Variants in ATRNL1 observed in about 807,000 individuals in gnomAD.
ATRNL1 encodes the protein attractin-like protein 1.
A neutral mutation model predicts 182.7 loss-of-function variants in ATRNL1; 95 were observed. The ratio of observed to expected loss-of-function variants is 0.52; its 90% confidence interval spans 0.44 to 0.62. The LOEUF (loss-of-function observed/expected upper bound fraction) is 0.62, where lower values mean the gene tolerates loss of function less well. Among genes scored for constraint, ATRNL1 ranks in the 20% least tolerant of loss-of-function variants. ATRNL1 has a pLI of 0.00. For synonymous variants in ATRNL1, 576 were observed against 568.3 expected, an observed-to-expected ratio of 1.01 and a Z score of -0.19; for missense variants, 1,471 against 1,679.5, an observed-to-expected ratio of 0.88 and a Z score of 2.17.
intron 3 of ATRNL1, among the ~76,000 whole-genome samples, chr10:115,123,223 T>G (rs1314372955): frequency 6.6e-6 from 1 of 152,204 alleles, no homozygotes; most frequent in African/African-American, 2.4e-5. Context: ...TTTATTGATA[T>G]TGAATATCCA....
chr10:115,798,562 A>G (rs1157504525), intron 27 of ATRNL1, among the ~76,000 whole-genome samples: 2 of 152,112 alleles, frequency 1.3e-5, no homozygotes, highest in Non-Finnish European at 2.9e-5. Flanking sequence ...TCTGCCCCAT[A>G]TGCTGACTAA....
At chr10:115,876,473 A>C (rs759592947) in intron 28 of ATRNL1, among the ~76,000 whole-genome samples, 6 of 152,222 alleles carry the variant, frequency 3.9e-5, no homozygotes, top group Non-Finnish European at 8.8e-5. Context: ...TAGGAACTTT[A>C]TAACAGGCAT....
At chr10:115,475,766 C>T (rs11197231) in intron 24 of ATRNL1, among the ~76,000 whole-genome samples, 61,137 of 151,028 alleles carry the variant, frequency 0.4, 13,201 homozygotes, top group Middle Eastern at 0.5. Flanking sequence ...TCATCATCAC[C>T]GTCAACGTCA....
chr10:115,912,308 C>T (rs1555116107), intron 28 of ATRNL1, among the ~76,000 whole-genome samples: 1 of 152,006 alleles, frequency 6.6e-6, no homozygotes, highest in Non-Finnish European at 1.5e-5. Context: ...GATAAACAAA[C>T]TAATGACTAA....
intron 24 of ATRNL1, among the ~76,000 whole-genome samples, chr10:115,494,610 G>A (rs910997267): frequency 6.6e-6 from 1 of 152,056 alleles, no homozygotes; most frequent in East Asian, 1.9e-4. Flanking sequence ...TGTGGTTTTT[G>A]TTTTTAGCTC....
chr10:115,936,776 C>G (rs533940125), intron 28 of ATRNL1, among the ~76,000 whole-genome samples: 195 of 152,010 alleles, frequency 1.3e-3, no homozygotes, highest in African/African-American at 4.6e-3. Flanking sequence ...ACTAGGGTTT[C>G]TAATAAGGAT....
intron 26 of ATRNL1, among the ~76,000 whole-genome samples, chr10:115,607,169 T>G (rs1023287415): frequency 1.3e-5 from 2 of 151,984 alleles, no homozygotes; most frequent in Admixed American, 6.6e-5. Context: ...TTGAAGCAAA[T>G]GTATATTAAA....
intron 19 of ATRNL1, among the ~76,000 whole-genome samples, chr10:115,347,813 A>C (rs1263031548): frequency 3.9e-5 from 6 of 152,040 alleles, no homozygotes; most frequent in Non-Finnish European, 4.4e-5. Flanking sequence ...ATGTATATAA[A>C]ATATTTATGT....
At chr10:115,805,095 C>G (rs549900496) in intron 27 of ATRNL1, among the ~76,000 whole-genome samples, 26 of 152,094 alleles carry the variant, frequency 1.7e-4, no homozygotes, top group Non-Finnish European at 3.2e-4. Flanking sequence ...AATTCTACAC[C>G]CAAACATTCC....
chr10:115,668,147 T>C (rs1861109571), intron 26 of ATRNL1, among the ~76,000 whole-genome samples: 2 of 152,094 alleles, frequency 1.3e-5, no homozygotes, highest in African/African-American at 2.4e-5. Context: ...TTCTTGCTTT[T>C]GATTTCTTGG....
chr10:115,411,635 G>T (rs754779942), intron 20 of ATRNL1, among the ~76,000 whole-genome samples: 1 of 151,960 alleles, frequency 6.6e-6, no homozygotes, highest in Non-Finnish European at 1.5e-5. Flanking sequence ...GTCTTGAAGG[G>T]TTCTGAGTTT....
At chr10:115,733,937 A>G (rs556875138) in intron 27 of ATRNL1, among the ~76,000 whole-genome samples, 4 of 152,054 alleles carry the variant, frequency 2.6e-5, no homozygotes, top group Admixed American at 6.5e-5. Context: ...TTCCAATAAC[A>G]TTTTCATTTT....
chr10:115,169,108 C>T (rs1362240329), intron 7 of ATRNL1, among the ~76,000 whole-genome samples: 1 of 148,472 alleles, frequency 6.7e-6, no homozygotes, highest in African/African-American at 2.5e-5. Context: ...GGTCTTGGTA[C>T]TCTTGTCAAA....
intron 25 of ATRNL1, among the ~76,000 whole-genome samples, chr10:115,525,219 G>A (rs1012411727): frequency 6.6e-6 from 1 of 152,166 alleles, no homozygotes; most frequent in African/African-American, 2.4e-5. Context: ...TAGTACCACT[G>A]TTGGCTGCCC....
intron 21 of ATRNL1, among the ~76,000 whole-genome samples, chr10:115,430,524 G>A (rs1354531348): frequency 6.6e-5 from 10 of 151,346 alleles, no homozygotes. Context: ...TTTATTTTAG[G>A]CTCAGGGCTG....
At chr10:115,139,910 C>T (rs1845689107) in intron 5 of ATRNL1, among the ~76,000 whole-genome samples, 1 of 152,076 alleles carries the variant, frequency 6.6e-6, no homozygotes, top group Non-Finnish European at 1.5e-5. Flanking sequence ...TTGAGTAGCT[C>T]ACAAGAGAAA....
At chr10:115,557,036 C>G in intron 26 of ATRNL1, among the ~76,000 whole-genome samples, 1 of 151,970 alleles carries the variant, frequency 6.6e-6, no homozygotes, top group East Asian at 1.9e-4. Context: ...CCTAGAAACA[C>G]TGCTTTAGCT....
intron 5 of ATRNL1, among the ~76,000 whole-genome samples, chr10:115,143,530 G>A (rs1472899324): frequency 6.6e-6 from 1 of 151,994 alleles, no homozygotes; most frequent in African/African-American, 2.4e-5. Flanking sequence ...AGATTAGGTC[G>A]CTTAAACAAT....
intron 12 of ATRNL1, among the ~76,000 whole-genome samples, 195 bp downstream of exon 12, chr10:115,267,200 T>C (rs1851643819): frequency 6.6e-6 from 1 of 150,844 alleles, no homozygotes; most frequent in South Asian, 2.1e-4. Flanking sequence ...AGCTTTATTT[T>C]TGAAATCTGT....
Sources: gnomAD v4.1 joint callset for allele counts (sites outside exome capture counted in the v4.1 genomes callset) on GRCh38, gnomAD v4.1.1 for gene constraint, MANE v1.5 for transcripts, NCBI Gene and HGNC (gene_info 2026-07-23, HGNC 2026-07-21) for gene names.